The following GLB1 variants were observed in gnomAD, a reference collection of about 807,000 sequenced individuals.
GLB1 encodes the protein galactosidase beta 1.
In GLB1, 56 loss-of-function variants were observed where a neutral mutation model predicts 74.0. The observed-to-expected ratio is 0.76, with a 90% confidence interval of 0.61 to 0.94. GLB1 has a LOEUF of 0.94. GLB1 is among the 40% of genes least tolerant of loss of function. GLB1 has a pLI of 0.00. For missense variants in GLB1, 787 were observed against 845.5 expected (o/e 0.93, Z 0.86); for synonymous variants, 323 against 323.6 (o/e 1.00, Z 0.02).
intron 1 of GLB1, among the ~76,000 whole-genome samples, chr3:33,078,721 A>G (rs1184721031): frequency 6.6e-6 from 1 of 152,234 alleles, no homozygotes; most frequent in African/African-American, 2.4e-5. Flanking sequence ...ATGTGATATG[A>G]TATGTGTAAT....
chr3:33,053,501 T>C lies in GLB1; in HGVS notation c.782A>G (p.Lys261Arg), dbSNP rs200050465. The C allele has an allele frequency of 4.0e-5, 64 of 1,614,056 alleles. No homozygotes were observed. The African/African-American group carries it at 4.4e-4, about 11-fold the overall frequency. ...AFLSQRKCEP[K>R]GPLINSEFYT... ...ACCCTCGATTCTTACCAAGGGTCCT[T>C]TGGGCTCACACTTCCTCTGGCTTAG... Residue 261 changes from lysine to arginine, a missense_variant, in exon 7 of 16, where the codon AAA (lysine) becomes AGA (arginine). Coordinates refer to ENST00000307363, the MANE Select transcript of GLB1 (RefSeq NM_000404.4).
At chr3:33,054,714 CAA>C (rs961472855) in intron 6 of GLB1, among the ~76,000 whole-genome samples, 1 of 152,168 alleles carries the variant, frequency 6.6e-6, no homozygotes, top group Non-Finnish European at 1.5e-5. Context: ...CACTTGCTCT[CAA>C]GTTTTCCTCA....
At chr3:33,085,811 G>A (rs1700484448) in intron 1 of GLB1, among the ~76,000 whole-genome samples, 1 of 151,338 alleles carries the variant, frequency 6.6e-6, no homozygotes, top group Non-Finnish European at 1.5e-5. Flanking sequence ...CTGATTACAG[G>A]TTCACACCTG....
intron 1 of GLB1, among the ~76,000 whole-genome samples, chr3:33,074,306 CAA>C (rs1388469813): frequency 7.6e-6 from 1 of 131,040 alleles, no homozygotes; most frequent in East Asian, 2.3e-4. Context: ...GAGACTCCGT[CAA>C]AAGAAAGAAC....
At chr3:33,031,641 ATATATATATATATATAT>A (rs1421371933) in intron 10 of GLB1, among the ~76,000 whole-genome samples, 6 of 18,946 alleles carry the variant, frequency 3.2e-4, no homozygotes, top group African/African-American at 1.1e-3. Flanking sequence ...AAAAAAAAAA[ATATATATATATATATAT>A]ATATATATAT....
downstream of GLB1, among the ~76,000 whole-genome samples, chr3:32,991,942 T>C (rs766191690): frequency 1.4e-4 from 21 of 152,264 alleles, no homozygotes; most frequent in Non-Finnish European, 2.5e-4. Flanking sequence ...TACTGGTTTA[T>C]TATGCAGCAA....
intron 9 of GLB1, among the ~76,000 whole-genome samples, chr3:33,046,569 G>C (rs542235862): frequency 3.3e-5 from 5 of 152,098 alleles, no homozygotes; most frequent in Non-Finnish European, 5.9e-5. Flanking sequence ...CTCACAAGCA[G>C]TAATGGCAGG....
At chr3:33,016,499 G>C (rs1255148619) in intron 14 of GLB1, among the ~76,000 whole-genome samples, 1 of 152,132 alleles carries the variant, frequency 6.6e-6, no homozygotes, top group Non-Finnish European at 1.5e-5. Context: ...TGAGACCACA[G>C]GTGCATGTCA....
intron 10 of GLB1, among the ~76,000 whole-genome samples, chr3:33,041,449 G>A (rs1352994677): frequency 6.6e-6 from 1 of 152,108 alleles, no homozygotes; most frequent in Admixed American, 6.5e-5. Context: ...ATCATCTGAG[G>A]TCAGAAGTTC....
intron 1 of GLB1, chr3:33,091,824 G>A: frequency 1.0e-6 from 1 of 985,460 alleles, no homozygotes; most frequent in Non-Finnish European, 1.2e-6. Context: ...AACCAGCCCA[G>A]CCCTGTCTTC....
chr3:33,008,541 A>T (rs1474993544), intron 15 of GLB1, among the ~76,000 whole-genome samples: 2 of 152,080 alleles, frequency 1.3e-5, no homozygotes, highest in African/African-American at 4.8e-5. Flanking sequence ...GAGGGTGGAG[A>T]GTCAGGTGGC....
chr3:32,997,343 C>T lies in GLB1; in HGVS notation c.1736G>A (p.Gly579Asp), dbSNP rs746350513. 4 of 1,612,658 alleles carry T rather than the reference C, an allele frequency of 2.5e-6. No individual in the cohort carries two copies. The highest frequency in any genetic ancestry group is 3.4e-6 in the Non-Finnish European group (4 of 1,179,904). Residue 579 changes from glycine (G) to aspartate (D), a missense_variant and splice_region_variant, in exon 16 of 16, where the codon GGC becomes GAC. By Grantham distance (94) the Gly-to-Asp change is moderately conservative (BLOSUM62 -1). Coordinates refer to ENST00000307363, the MANE Select transcript of GLB1 (RefSeq NM_000404.4). Reference sequence around the variant, plus strand: ...GTTAAAGCCATTAATCCAGACCTGGCCCTGGAGAGAGAGAGACAGAGAACC... The same window carrying T: ...GTTAAAGCCATTAATCCAGACCTGGTCCTGGAGAGAGAGAGACAGAGAACC... ...TFIQFPGWTK[G>D]QVWINGFNLG...
chr3:33,059,248 C>T (rs201251637), intron 5 of GLB1, among the ~76,000 whole-genome samples: 35 of 12,214 alleles, frequency 2.9e-3, no homozygotes, highest in East Asian at 0.022. Flanking sequence ...AAAACATACA[C>T]ACACACACAC....
At chr3:33,039,519 A>C (rs1176016306) in intron 10 of GLB1, among the ~76,000 whole-genome samples, 1 of 152,210 alleles carries the variant, frequency 6.6e-6, no homozygotes, top group African/African-American at 2.4e-5. Flanking sequence ...TCACTCAGAC[A>C]GTTGAAAAGA....
intron 1 of GLB1, chr3:33,091,219 T>G: frequency 2.0e-6 from 2 of 985,384 alleles, no homozygotes; most frequent in South Asian, 9.4e-5. Context: ...AAATTTCAAC[T>G]CAAAGATACA....
chr3:32,975,877 T>A, the GLB1 span, among the ~76,000 whole-genome samples: 6,930 of 152,248 alleles, frequency 0.046, 310 homozygotes, highest in African/African-American at 0.11. Flanking sequence ...CTGTAAAACA[T>A]TTGCTGACAC....
intron 1 of GLB1, among the ~76,000 whole-genome samples, chr3:33,078,352 G>T (rs572063538): frequency 6.6e-6 from 1 of 152,228 alleles, no homozygotes; most frequent in Non-Finnish European, 1.5e-5. Context: ...AAAACCATTA[G>T]AAACACTGAT....
chr3:33,034,930 G>A, intron 10 of GLB1: 1 of 289,110 alleles, frequency 3.5e-6, no homozygotes. Flanking sequence ...ATGTTATGAG[G>A]CAGAAACTAC....
intron 6 of GLB1, among the ~76,000 whole-genome samples, chr3:33,057,813 T>A: frequency 6.6e-6 from 1 of 152,160 alleles, no homozygotes; most frequent in East Asian, 1.9e-4. Flanking sequence ...TGCTTCTTCA[T>A]CTTGGGTGGG....
Sources: allele counts gnomAD v4.1 joint callset (sites outside exome capture counted in the v4.1 genomes callset), GRCh38; gene constraint gnomAD v4.1.1; transcripts MANE v1.5; gene names NCBI Gene and HGNC (gene_info 2026-07-23, HGNC 2026-07-21).